Variants in CEP112 observed in about 807,000 individuals in gnomAD.
CEP112 encodes centrosomal protein of 112 kDa.
In CEP112, 127 loss-of-function variants were observed where a neutral mutation model predicts 153.0. The observed-to-expected ratio is 0.83, with a 90% CI of 0.72 to 0.96. The LOEUF (loss-of-function observed/expected upper bound fraction) is 0.96, where lower values mean the gene tolerates loss of function less well. CEP112 is among the 40% of genes least tolerant of loss of function. The pLI, the probability that CEP112 is intolerant of heterozygous loss-of-function variation, is 0.00. For synonymous variants in CEP112, 358 were observed against 374.4 expected (o/e 0.96, Z 0.51); for missense variants, 1,089 against 1,101.2 (o/e 0.99, Z 0.16).
chr17:66,183,775 A>G (rs1165746270), intron 1 of CEP112, among the ~76,000 whole-genome samples: 1 of 152,192 alleles, frequency 6.6e-6, no homozygotes, highest in Non-Finnish European at 1.5e-5. Flanking sequence ...CATATACAAA[A>G]AAAAAAGAAC....
rs145856387 is a variant in CEP112, at chr17:65,790,602, G to A, written c.2395-39878C>T. On this transcript the variant is annotated intron_variant, in intron 21 of 26. Transcript: ENST00000535342. ...AACCTCTCCAGTCCTCAGCTCCTTC[G>A]ATCCTCGCATGGAAATAGCCTTAAT... Among the ~76,000 whole-genome samples, 262 of 152,200 alleles carry A rather than the reference G, an allele frequency of 1.7e-3. 4 individuals carry two copies. In the South Asian group the frequency reaches 0.032, roughly 19 times the overall value.
chr17:65,691,258 C>T (rs774142899), intron 23 of CEP112, among the ~76,000 whole-genome samples: 43 of 152,138 alleles, frequency 2.8e-4, no homozygotes, highest in Non-Finnish European at 5.1e-4. Flanking sequence ...GACACAATGG[C>T]TAAATTAGTG....
At chr17:65,952,397 A>C (rs1229807888) in intron 18 of CEP112, among the ~76,000 whole-genome samples, 2 of 151,986 alleles carry the variant, frequency 1.3e-5, no homozygotes, top group African/African-American at 4.8e-5. Flanking sequence ...CTGCTTGCAT[A>C]TTCTTTCATT....
chr17:66,131,609 C>T (rs1447126281), intron 5 of CEP112, among the ~76,000 whole-genome samples: 1 of 152,070 alleles, frequency 6.6e-6, no homozygotes. Flanking sequence ...GGTGTGGCGG[C>T]AGGCGCCTGT....
chr17:65,762,597 AT>A (rs1166359374), intron 21 of CEP112, among the ~76,000 whole-genome samples: 1 of 151,770 alleles, frequency 6.6e-6, no homozygotes. Flanking sequence ...TTTAAAACAT[AT>A]TTTTTACTGG....
intron 16 of CEP112, among the ~76,000 whole-genome samples, chr17:66,009,429 G>A (rs913381288): frequency 6.6e-6 from 1 of 151,974 alleles, no homozygotes; most frequent in African/African-American, 2.4e-5. Flanking sequence ...AATTGTTTTA[G>A]TTCCTTATAT....
chr17:66,129,945 A>ATCTTGGG, intron 5 of CEP112, 122 bp from the exon 6 acceptor site: 2 of 569,886 alleles, frequency 3.5e-6, no homozygotes. Context: ...AGAGGAAGGA[A>ATCTTGGG]GTAAAAAAGG....
intron 8 of CEP112, among the ~76,000 whole-genome samples, chr17:66,075,936 C>A (rs2067477516): frequency 6.6e-6 from 1 of 152,174 alleles, no homozygotes; most frequent in Non-Finnish European, 1.5e-5. Flanking sequence ...CACACACCCC[C>A]ACTGGGAAAA....
chr17:66,049,026 G>A (rs2066331753), intron 12 of CEP112, among the ~76,000 whole-genome samples: 1 of 152,142 alleles, frequency 6.6e-6, no homozygotes, highest in South Asian at 2.1e-4. Context: ...CAATCTAGGA[G>A]ACTGTCGCTC....
chr17:66,187,775 C>G (rs2072993615), intron 1 of CEP112, among the ~76,000 whole-genome samples: 1 of 152,188 alleles, frequency 6.6e-6, no homozygotes, highest in African/African-American at 2.4e-5. Flanking sequence ...CAACTCCAGA[C>G]TCATTTACAA....
At chr17:65,988,655 A>G (rs2063486167) in intron 17 of CEP112, among the ~76,000 whole-genome samples, 1 of 152,226 alleles carries the variant, frequency 6.6e-6, no homozygotes, top group Non-Finnish European at 1.5e-5. Context: ...GAGACTCTCA[A>G]TAGCAGAATG....
chr17:66,012,830 A>G (rs959495930), intron 16 of CEP112, among the ~76,000 whole-genome samples: 1 of 152,198 alleles, frequency 6.6e-6, no homozygotes, highest in Non-Finnish European at 1.5e-5. Flanking sequence ...TTTCCAAGCT[A>G]CTTGCTTTCT....
intron 21 of CEP112, among the ~76,000 whole-genome samples, chr17:65,808,941 T>C (rs2055779239): frequency 6.6e-6 from 1 of 152,194 alleles, no homozygotes; most frequent in Admixed American, 6.5e-5. Flanking sequence ...TGATACAAAA[T>C]TGAGTTTGGC....
In CEP112 at chr17:65,750,672, T is replaced by C. The variant is rs761235742; in HGVS notation, c.2447A>G (p.Lys816Arg). ...IEKEYTQKLAKSSQIIAELQT... is the reference protein window; with the variant it reads ...IEKEYTQKLARSSQIIAELQT... ...TTTAATGTTGCTTACCTGTGAAGAT[T>C]TGGCAAGCTTCTGAGTGTATTCCTT... Residue 816 changes from lysine to arginine, a missense_variant, in exon 22 of 27, where the codon AAA (lysine) becomes AGA (arginine). Lys to Arg is a conservative substitution (Grantham distance 26, BLOSUM62 2). Transcript: ENST00000535342. The C allele has an allele frequency of 1.9e-5, 30 of 1,613,918 alleles. No individual in the cohort carries two copies. Among genetic ancestry groups the C allele is most frequent in the Non-Finnish European group, 2.5e-5 (30 of 1,179,928 alleles).
At chr17:66,104,272 C>G (rs551862972) in intron 6 of CEP112, among the ~76,000 whole-genome samples, 1 of 152,308 alleles carries the variant, frequency 6.6e-6, no homozygotes, top group African/African-American at 2.4e-5. Context: ...TGTCTTGCAA[C>G]TTGGATACCA....
At chr17:65,702,252 T>A (rs372893751) in intron 23 of CEP112, among the ~76,000 whole-genome samples, 4 of 152,150 alleles carry the variant, frequency 2.6e-5, no homozygotes, top group South Asian at 4.1e-4. Context: ...CCCAGTTGTG[T>A]CCTCCTGCAT....
intron 21 of CEP112, among the ~76,000 whole-genome samples, chr17:65,824,868 G>A (rs1012272416): frequency 1.3e-5 from 2 of 152,164 alleles, no homozygotes; most frequent in Non-Finnish European, 2.9e-5. Flanking sequence ...TGGAACCCTT[G>A]TGCACTGCCG....
chr17:66,066,118 C>G (rs2067108277), intron 10 of CEP112, among the ~76,000 whole-genome samples: 1 of 152,138 alleles, frequency 6.6e-6, no homozygotes, highest in African/African-American at 2.4e-5. Flanking sequence ...TCAACACTCT[C>G]TCTCATGACC....
At chr17:65,943,038 G>T (rs192483624) in intron 18 of CEP112, among the ~76,000 whole-genome samples, 30 of 152,244 alleles carry the variant, frequency 2.0e-4, no homozygotes, top group South Asian at 8.3e-4. Flanking sequence ...GATATGAATA[G>T]ATAGGCTTAA....
Sources: gnomAD v4.1 joint callset for allele counts (sites outside exome capture counted in the v4.1 genomes callset) on GRCh38, gnomAD v4.1.1 for gene constraint, MANE v1.5 for transcripts, NCBI Gene and HGNC (gene_info 2026-07-23, HGNC 2026-07-21) for gene names.